Variants in ESRRG observed in about 807,000 individuals in gnomAD.
ESRRG encodes the protein estrogen related receptor gamma.
Under a neutral mutation model 44.0 loss-of-function variants are expected in ESRRG, and 13 were observed. The ratio of observed to expected loss-of-function variants is 0.30; its 90% CI spans 0.19 to 0.47. ESRRG has a LOEUF of 0.47. ESRRG is among the 20% of genes least tolerant of loss of function. The probability of loss-of-function intolerance (pLI) is 1.00; values close to 1 mark genes in which losing one functional copy is unlikely to be tolerated. For synonymous variants in ESRRG, 215 were observed against 214.6 expected (o/e 1.00, Z -0.02); for missense variants, 395 against 580.6 (o/e 0.68, Z 3.29).
chr1:217,135,797 C>T (rs940808154), intron 1 of ESRRG, among the ~76,000 whole-genome samples: 2 of 152,212 alleles, frequency 1.3e-5, no homozygotes, highest in African/African-American at 4.8e-5. Context: ...ATCGCTCTCA[C>T]TTTGCACTCG....
At chr1:216,950,878 T>C (rs560911327) in intron 1 of ESRRG, among the ~76,000 whole-genome samples, 125 of 152,282 alleles carry the variant, frequency 8.2e-4, no homozygotes, top group African/African-American at 2.9e-3. Context: ...ATATAGAACT[T>C]GCATGAGACA....
In ESRRG at chr1:216,567,984, T is replaced by C; in HGVS notation, c.700+4A>G. 6.3e-7 allele frequency: 1 copy of C among 1,599,390 alleles called. No homozygotes were observed. Among genetic ancestry groups the C allele is most frequent in the Non-Finnish European group, 8.6e-7 (1 of 1,166,790 alleles). ...GGGAAGCCAGACACATCTGCTGTAC[T>C]TACATGGCTTTTTGGCTGGCTGAAC... On this transcript the variant is annotated splice_donor_region_variant and intron_variant, in intron 4 of 6. Transcript: ENST00000408911.
chr1:216,591,217 T>G (rs551256016), intron 3 of ESRRG, among the ~76,000 whole-genome samples: 1 of 152,248 alleles, frequency 6.6e-6, no homozygotes, highest in Admixed American at 6.5e-5. Flanking sequence ...GACTGAAGAC[T>G]GAGTTCATCA....
intron 3 of ESRRG, among the ~76,000 whole-genome samples, chr1:216,629,572 C>T (rs2063758942): frequency 6.6e-6 from 1 of 152,116 alleles, no homozygotes; most frequent in South Asian, 2.1e-4. Context: ...CTTTTTTTCA[C>T]CAGAGCAGAC....
In ESRRG at chr1:216,506,526, A is replaced by T. The variant is rs201367502; in HGVS notation, c.*413T>A. The stretch of plus-strand genomic sequence containing the variant: ...AAGGGGGAAGGGAGGATTTTTTTTT[A>T]AACTAAAGCTATTTCAAATTTAGAA... On this transcript the variant is annotated 3_prime_UTR_variant, in exon 7 of 7. Coordinates refer to ENST00000408911, the MANE Select transcript of ESRRG (RefSeq NM_001438.4). 1 of 406,130 alleles carries T rather than the reference A, an allele frequency of 2.5e-6. No homozygotes were observed. The highest frequency in any genetic ancestry group is 1.8e-5 in the South Asian group (1 of 55,162). 25.2% of individuals were successfully genotyped at this position (406,130 alleles called of 1,614,324 possible). A position where few individuals can be genotyped will look rare whatever the true frequency, so the allele number is the denominator to read the frequency against.
chr1:216,558,340 C>T (rs1430785924), intron 5 of ESRRG, among the ~76,000 whole-genome samples: 1 of 152,102 alleles, frequency 6.6e-6, no homozygotes, highest in Non-Finnish European at 1.5e-5. Context: ...TTAGGCTTAA[C>T]CAAAGAGGCT....
intron 2 of ESRRG, among the ~76,000 whole-genome samples, chr1:216,652,716 C>T (rs566120021): frequency 5.9e-5 from 9 of 152,140 alleles, no homozygotes; most frequent in East Asian, 1.9e-4. Flanking sequence ...CCAGGGTGGC[C>T]GGGTCACAGC....
chr1:216,822,936 C>T (rs555587950), intron 2 of ESRRG, among the ~76,000 whole-genome samples: 20 of 152,226 alleles, frequency 1.3e-4, no homozygotes, highest in African/African-American at 4.6e-4. Context: ...AACAATGCTC[C>T]CATCTAATAG....
intron 2 of ESRRG, among the ~76,000 whole-genome samples, chr1:216,658,424 T>C (rs1320114143): frequency 7.2e-5 from 11 of 152,276 alleles, no homozygotes. Context: ...ATGTTCATTT[T>C]AGGACAAAAT....
At chr1:217,128,418 T>C (rs1419516466) in intron 1 of ESRRG, among the ~76,000 whole-genome samples, 4 of 152,212 alleles carry the variant, frequency 2.6e-5, no homozygotes, top group East Asian at 1.9e-4. Flanking sequence ...TCAGTAACTT[T>C]ACAAGCATGT....
At chr1:217,110,891 G>A (rs1231783238) in intron 1 of ESRRG, among the ~76,000 whole-genome samples, 1 of 152,070 alleles carries the variant, frequency 6.6e-6, no homozygotes, top group African/African-American at 2.4e-5. Context: ...TCTAATTTTT[G>A]CTGTGTCTTT....
At chr1:216,650,051 T>C (rs566433407) in intron 3 of ESRRG, among the ~76,000 whole-genome samples, 1 of 152,342 alleles carries the variant, frequency 6.6e-6, no homozygotes, top group Middle Eastern at 3.4e-3. Flanking sequence ...AAATATTTAA[T>C]GAATCTAATT....
At chr1:216,974,468 G>C (rs1457556323) in intron 1 of ESRRG, among the ~76,000 whole-genome samples, 1 of 151,982 alleles carries the variant, frequency 6.6e-6, no homozygotes, top group Non-Finnish European at 1.5e-5. Flanking sequence ...GAAAAAAATA[G>C]CAACAAAAAG....
At chr1:216,523,875 C>T (rs1032594641) in intron 5 of ESRRG, among the ~76,000 whole-genome samples, 1 of 150,324 alleles carries the variant, frequency 6.7e-6, no homozygotes, top group Admixed American at 6.6e-5. Flanking sequence ...CATTTTTCAA[C>T]AACTAGCATA....
At chr1:216,626,563 T>A (rs1252665425) in intron 3 of ESRRG, among the ~76,000 whole-genome samples, 1 of 152,236 alleles carries the variant, frequency 6.6e-6, no homozygotes, top group African/African-American at 2.4e-5. Context: ...CCCATTCATC[T>A]TGGGTGCCCT....
intron 1 of ESRRG, among the ~76,000 whole-genome samples, chr1:217,002,328 AAAAAAAAG>A (rs1210713086): frequency 1.4e-5 from 2 of 144,922 alleles, no homozygotes; most frequent in Non-Finnish European, 3.1e-5. Flanking sequence ...AGAAAGAAAA[AAAAAAAAG>A]AAAGAAAGAA....
intron 5 of ESRRG, among the ~76,000 whole-genome samples, chr1:216,526,366 A>C (rs139766783): frequency 1.3e-5 from 2 of 152,140 alleles, no homozygotes; most frequent in African/African-American, 4.8e-5. Flanking sequence ...TAAAAAGGGG[A>C]TATTTGGACA....
At chr1:216,517,938 GA>G (rs1425165293) in intron 6 of ESRRG, among the ~76,000 whole-genome samples, 1 of 152,120 alleles carries the variant, frequency 6.6e-6, no homozygotes, top group African/African-American at 2.4e-5. Context: ...CTCCATTGTT[GA>G]AAACAATTTC....
chr1:216,759,355 T>G (rs2092641637), intron 2 of ESRRG, among the ~76,000 whole-genome samples: 2 of 152,070 alleles, frequency 1.3e-5, no homozygotes, highest in South Asian at 2.1e-4. Context: ...GTTCTCTGAC[T>G]TAGTCTCCCC....
Sources: gnomAD v4.1 joint callset for allele counts (sites outside exome capture counted in the v4.1 genomes callset) on GRCh38, gnomAD v4.1.1 for gene constraint, MANE v1.5 for transcripts, NCBI Gene and HGNC (gene_info 2026-07-23, HGNC 2026-07-21) for gene names.